Variants in RGS7 observed in about 807,000 individuals in gnomAD.
RGS7 encodes the protein regulator of G-protein signaling 7.
In RGS7, 27 loss-of-function variants were observed where a neutral mutation model predicts 81.1. The ratio of observed to expected loss-of-function variants is 0.33; its 90% CI spans 0.25 to 0.46. The LOEUF is 0.46. RGS7 is among the 20% of genes least tolerant of loss of function. The pLI is 1.00. For synonymous variants in RGS7, 208 were observed against 207.7 expected (o/e 1.00, Z -0.01); for missense variants, 396 against 607.4 (o/e 0.65, Z 3.66).
intron 3 of RGS7, among the ~76,000 whole-genome samples, chr1:241,019,927 G>C (rs1363175358): frequency 6.6e-6 from 1 of 152,142 alleles, no homozygotes; most frequent in Non-Finnish European, 1.5e-5. Context: ...GGTTTGTCCA[G>C]ATTTTTCTTG....
At chr1:241,171,121 A>G (rs2103258427) in intron 2 of RGS7, among the ~76,000 whole-genome samples, 1 of 152,316 alleles carries the variant, frequency 6.6e-6, no homozygotes, top group South Asian at 2.1e-4. Context: ...ATTATGTTCT[A>G]TTTAAAACGG....
chr1:241,073,822 A>T (rs2062627696), intron 3 of RGS7, among the ~76,000 whole-genome samples: 1 of 152,012 alleles, frequency 6.6e-6, no homozygotes, highest in African/African-American at 2.4e-5. Context: ...AATCTCTGCA[A>T]TTGTGGCAAG....
chr1:241,268,508 T>C (rs1435513287), intron 2 of RGS7, among the ~76,000 whole-genome samples: 1 of 152,188 alleles, frequency 6.6e-6, no homozygotes. Flanking sequence ...TGCAGGGTGC[T>C]TGGGCTCCCT....
rs537655021 is a variant in RGS7 at position 241,305,398 on chromosome 1, A to T, written c.78+50301T>A. 1.8e-4 allele frequency among the ~76,000 whole-genome samples: 27 copies of T among 152,280 alleles called. No homozygotes were observed. The South Asian group carries it at 5.2e-3, about 29-fold the overall frequency. ...AGCGACGCCACTGTTGCTAATAAGC[A>T]TGTCAGCTTCTTAGGGAAGGGATGC... On this transcript the variant is annotated intron_variant, in intron 2 of 18. Coordinates refer to ENST00000440928, the MANE Select transcript of RGS7 (RefSeq NM_001364886.1).
rs187287785 is a variant in RGS7 at position 240,991,395 on chromosome 1, T to A, written c.176-8266A>T. Among the ~76,000 whole-genome samples the A allele has an allele frequency of 4.3e-4, 66 of 152,284 alleles. 2 individuals carry two copies. Among genetic ancestry groups the A allele is most frequent in the African/African-American group, 1.5e-3 (61 of 41,564 alleles). Reference sequence around the variant, plus strand: ...AATGGAGACCACCCTCAGGATTATTTCCTGCCCTCTACTGGAGCTCAGGAG... The same window carrying A: ...AATGGAGACCACCCTCAGGATTATTACCTGCCCTCTACTGGAGCTCAGGAG... On this transcript the variant is annotated intron_variant, in intron 3 of 18. Coordinates refer to ENST00000440928, the MANE Select transcript of RGS7 (RefSeq NM_001364886.1).
intron 2 of RGS7, among the ~76,000 whole-genome samples, chr1:241,108,484 T>C (rs945810789): frequency 6.6e-6 from 1 of 152,178 alleles, no homozygotes; most frequent in Non-Finnish European, 1.5e-5. Context: ...GGTAAGTATT[T>C]GCCCCGAGGT....
intron 3 of RGS7, among the ~76,000 whole-genome samples, chr1:241,067,582 C>T (rs1017092563): frequency 1.1e-4 from 16 of 151,294 alleles, no homozygotes; most frequent in Admixed American, 4.6e-4. Context: ...TGCACTGGCA[C>T]GATCTCGGCT....
intron 4 of RGS7, among the ~76,000 whole-genome samples, chr1:240,966,658 G>T (rs777428141): frequency 1.3e-5 from 2 of 152,092 alleles, no homozygotes; most frequent in African/African-American, 4.8e-5. Flanking sequence ...TTGGGCAACC[G>T]CTCTCCTTGC....
chr1:240,908,954 G>T (rs763058471), intron 6 of RGS7, among the ~76,000 whole-genome samples: 1 of 152,170 alleles, frequency 6.6e-6, no homozygotes, highest in African/African-American at 2.4e-5. Context: ...CATTTGGAAC[G>T]CACGAACTAA....
At chr1:240,903,484 A>G (rs1331727324) in intron 6 of RGS7, among the ~76,000 whole-genome samples, 1 of 152,078 alleles carries the variant, frequency 6.6e-6, no homozygotes, top group African/African-American at 2.4e-5. Context: ...GAAGAATAAT[A>G]TATTTATATC....
At chr1:240,869,477 A>G (rs953054973) in intron 7 of RGS7, among the ~76,000 whole-genome samples, 5 of 152,228 alleles carry the variant, frequency 3.3e-5, no homozygotes, top group Middle Eastern at 3.2e-3. Context: ...TGTATCTGAC[A>G]TTTCGACAGT....
intron 6 of RGS7, among the ~76,000 whole-genome samples, chr1:240,927,921 G>C (rs914447387): frequency 6.6e-6 from 1 of 152,204 alleles, no homozygotes; most frequent in African/African-American, 2.4e-5. Context: ...ACATGTGTGG[G>C]AACAAGAGTG....
chr1:240,842,407 G>C (rs184222568), intron 9 of RGS7, among the ~76,000 whole-genome samples: 270 of 151,602 alleles, frequency 1.8e-3, no homozygotes, highest in Middle Eastern at 6.8e-3. Flanking sequence ...GGTCAGGTTG[G>C]TCTCAAACTC....
At chr1:240,823,149 G>T in intron 10 of RGS7, 1 of 1,159,208 alleles carries the variant, frequency 8.6e-7, no homozygotes, top group Non-Finnish European at 1.3e-6. Flanking sequence ...TGGCCACATT[G>T]GGGATTTCCC....
At chr1:241,093,588 A>G (rs1036254091) in intron 3 of RGS7, among the ~76,000 whole-genome samples, 32 of 152,226 alleles carry the variant, frequency 2.1e-4, no homozygotes, top group African/African-American at 7.5e-4. Context: ...TTAAAAATAC[A>G]TATTTCTATA....
At chr1:241,158,388 C>T (rs12026028) in intron 2 of RGS7, among the ~76,000 whole-genome samples, 7,393 of 152,238 alleles carry the variant, frequency 0.049, 413 homozygotes, top group East Asian at 0.3. Context: ...CTGTACATGT[C>T]TGTAAGTATC....
At chr1:240,800,263 T>C (rs1398802944) in intron 18 of RGS7, among the ~76,000 whole-genome samples, 2 of 152,122 alleles carry the variant, frequency 1.3e-5, no homozygotes, top group Non-Finnish European at 2.9e-5. Flanking sequence ...CCAGCCAAAA[T>C]TTCATAAAAT....
chr1:240,944,637 G>GA (rs1222326710), intron 4 of RGS7, among the ~76,000 whole-genome samples: 3 of 151,856 alleles, frequency 2.0e-5, no homozygotes, highest in East Asian at 1.9e-4. Flanking sequence ...GAAATCATGG[G>GA]AAAAAAAGGC....
At chr1:241,046,180 T>C (rs781448492) in intron 3 of RGS7, among the ~76,000 whole-genome samples, 11 of 152,196 alleles carry the variant, frequency 7.2e-5, no homozygotes, top group Non-Finnish European at 1.5e-4. Flanking sequence ...TTATTTCAGG[T>C]TCAGTAGTAC....
Sources: allele counts gnomAD v4.1 joint callset (sites outside exome capture counted in the v4.1 genomes callset), GRCh38; gene constraint gnomAD v4.1.1; transcripts MANE v1.5; gene names NCBI Gene and HGNC (gene_info 2026-07-23, HGNC 2026-07-21).